The following RANBP17 variants were observed in gnomAD, a reference collection of about 807,000 sequenced individuals.
The protein encoded by RANBP17 is RAN binding protein 17.
In RANBP17, 158 loss-of-function variants were observed where a neutral mutation model predicts 141.2. The ratio of observed to expected loss-of-function variants is 1.12; its 90% CI spans 0.98 to 1.28. RANBP17 has a LOEUF of 1.28. Among genes scored for constraint, RANBP17 ranks in the 50% most tolerant of loss-of-function variants. The pLI is 0.00. For missense variants in RANBP17, 1,438 were observed against 1,290.7 expected (o/e 1.11, Z -1.75); for synonymous variants, 430 against 450.0 (o/e 0.96, Z 0.56).
intron 12 of RANBP17, among the ~76,000 whole-genome samples, chr5:170,936,001 C>A (rs563837222): frequency 8.5e-5 from 13 of 152,312 alleles, no homozygotes; most frequent in Admixed American, 4.6e-4. Context: ...ATGGCTCAAG[C>A]CCCTTCCCCA....
At chr5:171,045,394 A>G (rs1782516745) in intron 14 of RANBP17, among the ~76,000 whole-genome samples, 1 of 152,150 alleles carries the variant, frequency 6.6e-6, no homozygotes, top group Admixed American at 6.5e-5. Flanking sequence ...ATGATATAGC[A>G]TAAGAGATTT....
intron 14 of RANBP17, among the ~76,000 whole-genome samples, chr5:170,985,041 GC>G: frequency 6.7e-6 from 1 of 149,978 alleles, no homozygotes; most frequent in South Asian, 2.1e-4. Context: ...AGACACACAG[GC>G]ACACACAGAC....
intron 14 of RANBP17, among the ~76,000 whole-genome samples, chr5:171,012,561 A>C (rs2127592459): frequency 6.6e-6 from 1 of 152,290 alleles, no homozygotes; most frequent in South Asian, 2.1e-4. Flanking sequence ...ATCATTGGGC[A>C]AAGTATCTCT....
chr5:170,866,736 T>A (rs1767294080), intron 1 of RANBP17: 1 of 151,694 alleles, frequency 6.6e-6, no homozygotes, highest in Non-Finnish European at 1.5e-5. Context: ...GTTTGTCACA[T>A]TTTTGGGTGA....
At position 170,916,538 on chromosome 5, in the gene RANBP17, T is replaced by C. The variant is rs757853296; in HGVS notation, c.908T>C (p.Leu303Pro). The change falls in exon 9 of 28, where the codon CTT becomes CCT. Residue 303 changes from leucine (L) to proline (P), a missense_variant. Coordinates refer to ENST00000523189, the MANE Select transcript of RANBP17 (RefSeq NM_022897.5). ...AACAGTCCTGAACGTGCCAAGTACC[T>C]TGGTAATTTAATTAAGGGAGTAAAA... ...LFNSPERAKY[L>P]GNLIKGVKRI... The C allele has an allele frequency of 6.3e-7, 1 of 1,582,520 alleles. No homozygotes were observed. The highest frequency in any genetic ancestry group is 8.6e-7 in the Non-Finnish European group (1 of 1,160,602).
chr5:170,910,042 A>G (rs541722888), intron 6 of RANBP17: 1 of 220,186 alleles, frequency 4.5e-6, no homozygotes, highest in Non-Finnish European at 8.8e-6. Context: ...TTAATTATAG[A>G]AGCTACTTGA....
chr5:170,990,590 T>A (rs1778437226), intron 14 of RANBP17, among the ~76,000 whole-genome samples: 1 of 152,084 alleles, frequency 6.6e-6, no homozygotes, highest in Non-Finnish European at 1.5e-5. Context: ...TAAAAAAATA[T>A]ACTGTTTTAT....
intron 14 of RANBP17, among the ~76,000 whole-genome samples, chr5:171,065,346 C>T (rs1784245157): frequency 6.6e-6 from 1 of 152,140 alleles, no homozygotes; most frequent in African/African-American, 2.4e-5. Context: ...TGTTCCACCT[C>T]AGACCATCAG....
chr5:171,013,358 G>A (rs1437683692), intron 14 of RANBP17, among the ~76,000 whole-genome samples: 4 of 151,942 alleles, frequency 2.6e-5, no homozygotes, highest in South Asian at 2.1e-4. Context: ...CCCCTTTATT[G>A]GTTACTACCT....
intron 14 of RANBP17, among the ~76,000 whole-genome samples, chr5:170,972,560 G>A (rs962459659): frequency 6.6e-6 from 1 of 151,912 alleles, no homozygotes; most frequent in Non-Finnish European, 1.5e-5. Context: ...TTTAATTATT[G>A]AGTGGTATTA....
chr5:170,976,307 A>G (rs1777373722), intron 14 of RANBP17, among the ~76,000 whole-genome samples: 1 of 152,216 alleles, frequency 6.6e-6, no homozygotes. Flanking sequence ...TAATCTGAAA[A>G]TCATAAAACA....
intron 22 of RANBP17, among the ~76,000 whole-genome samples, chr5:171,223,058 G>A (rs749745630): frequency 1.3e-5 from 2 of 152,122 alleles, no homozygotes; most frequent in Non-Finnish European, 2.9e-5. Context: ...TTTTTTTAAA[G>A]TAAAAGCCTA....
intron 5 of RANBP17, among the ~76,000 whole-genome samples, chr5:170,908,051 G>T (rs1390683652): frequency 6.6e-6 from 1 of 151,914 alleles, no homozygotes; most frequent in African/African-American, 2.4e-5. Context: ...GTGGAGAAAA[G>T]GGAACTCTTA....
intron 14 of RANBP17, among the ~76,000 whole-genome samples, chr5:171,160,540 T>G (rs1245480751): frequency 6.6e-6 from 1 of 152,180 alleles, no homozygotes; most frequent in African/African-American, 2.4e-5. Context: ...TTGAGGAAAC[T>G]AAGGTTTAAA....
At chr5:171,010,347 A>G (rs1779954203) in intron 14 of RANBP17, among the ~76,000 whole-genome samples, 1 of 152,248 alleles carries the variant, frequency 6.6e-6, no homozygotes, top group Non-Finnish European at 1.5e-5. Context: ...GATCTTCACG[A>G]TAAAACCAAA....
chr5:170,988,064 T>G (rs1032776380), intron 14 of RANBP17, among the ~76,000 whole-genome samples: 7 of 151,662 alleles, frequency 4.6e-5, no homozygotes, highest in African/African-American at 1.7e-4. Context: ...AATTCAAAGA[T>G]GATGATTTTT....
intron 25 of RANBP17, among the ~76,000 whole-genome samples, chr5:171,274,973 C>G (rs1286784120): frequency 6.6e-6 from 1 of 152,000 alleles, no homozygotes; most frequent in Non-Finnish European, 1.5e-5. Context: ...GAGAGGAACC[C>G]CCTTCCCAAC....
intron 11 of RANBP17, among the ~76,000 whole-genome samples, chr5:170,922,782 G>T (rs1268528688): frequency 6.6e-6 from 1 of 152,092 alleles, no homozygotes; most frequent in Admixed American, 6.5e-5. Context: ...TCCTGGGTGA[G>T]GCGACGCCCT....
chr5:171,199,404 G>C (rs1033636837), intron 18 of RANBP17, among the ~76,000 whole-genome samples: 9 of 152,002 alleles, frequency 5.9e-5, no homozygotes. Flanking sequence ...GGACTGAGAT[G>C]CCTGGGGCAT....
Sources: gnomAD v4.1 joint callset for allele counts (sites outside exome capture counted in the v4.1 genomes callset) on GRCh38, gnomAD v4.1.1 for gene constraint, MANE v1.5 for transcripts, NCBI Gene and HGNC (gene_info 2026-07-23, HGNC 2026-07-21) for gene names.